The following TMEM163 variants were observed in gnomAD, a reference collection of about 807,000 sequenced individuals.
The protein encoded by TMEM163 is transmembrane protein 163.
Under a neutral mutation model 29.3 loss-of-function variants are expected in TMEM163, and 17 were observed. The ratio of observed to expected loss-of-function variants is 0.58; its 90% confidence interval spans 0.40 to 0.87. The LOEUF (loss-of-function observed/expected upper bound fraction) is 0.87. Among genes scored for constraint, TMEM163 ranks in the 40% least tolerant of loss-of-function variants. The pLI, the probability that TMEM163 is intolerant of heterozygous loss-of-function variation, is 0.00. For missense variants in TMEM163, 303 were observed against 381.5 expected (o/e 0.79, Z 1.71); for synonymous variants, 157 against 160.6 (o/e 0.98, Z 0.17).
At chr2:134,472,679 T>A (rs1040823919) in intron 5 of TMEM163, among the ~76,000 whole-genome samples, 2 of 152,238 alleles carry the variant, frequency 1.3e-5, no homozygotes, top group African/African-American at 2.4e-5. Context: ...CACTTTTACA[T>A]AACTGATAGA....
chr2:134,511,743 C>A (rs1679954888), intron 4 of TMEM163, among the ~76,000 whole-genome samples: 1 of 152,224 alleles, frequency 6.6e-6, no homozygotes, highest in Non-Finnish European at 1.5e-5. Context: ...AAACCTGCTT[C>A]TCAGGAGAAT....
At chr2:134,595,230 A>G (rs1276598386) in intron 2 of TMEM163, among the ~76,000 whole-genome samples, 1 of 152,000 alleles carries the variant, frequency 6.6e-6, no homozygotes, top group African/African-American at 2.4e-5. Context: ...CCTCATTTAC[A>G]TTAGGTATAT....
chr2:134,529,656 G>A (rs1423206140), intron 4 of TMEM163, among the ~76,000 whole-genome samples: 1 of 151,826 alleles, frequency 6.6e-6, no homozygotes, highest in Non-Finnish European at 1.5e-5. Context: ...GGGAGGCTGA[G>A]GCAAGAGAAT....
rs1374345435 is a variant in TMEM163, at chr2:134,657,458, T to C, written c.322+55742A>G. Among the ~76,000 whole-genome samples, 3 of 152,218 alleles carry C rather than the reference T, an allele frequency of 2.0e-5. No homozygotes were observed. In the East Asian group the frequency reaches 5.8e-4, roughly 29 times the overall value. On this transcript the variant is annotated intron_variant, in intron 2 of 7. Transcript: ENST00000281924. Reference sequence around the variant, plus strand: ...CAGGAACAGAAAACCAAACACCACATGTTCTCACTTATAAGTGGGAGCTAA... The same window carrying C: ...CAGGAACAGAAAACCAAACACCACACGTTCTCACTTATAAGTGGGAGCTAA...
intron 5 of TMEM163, among the ~76,000 whole-genome samples, chr2:134,486,045 T>C (rs960035183): frequency 1.3e-5 from 2 of 152,142 alleles, no homozygotes; most frequent in African/African-American, 4.8e-5. Flanking sequence ...CAGGGCTCCA[T>C]CAGAGGTACT....
intron 2 of TMEM163, among the ~76,000 whole-genome samples, chr2:134,674,261 C>A (rs1684056251): frequency 2.0e-5 from 3 of 152,122 alleles, no homozygotes; most frequent in African/African-American, 7.2e-5. Flanking sequence ...AGGTATCAGC[C>A]CAGCTTTATA....
intron 2 of TMEM163, among the ~76,000 whole-genome samples, chr2:134,632,909 ATTTTTTTTTT>A (rs57488299): frequency 8.4e-5 from 10 of 118,638 alleles, no homozygotes; most frequent in African/African-American, 3.3e-4. Flanking sequence ...CACCCAGCTA[ATTTTTTTTTT>A]TTTTTTTTTT....
rs1403592880 is a variant in TMEM163, at chr2:134,718,973, G to T, written c.-38C>A. On this transcript the variant is annotated 5_prime_UTR_variant, in exon 1 of 8. Transcript: ENST00000281924. ...CGGATCCCGGCGGCGGCGACGACAAGCGCGGCGGGGACTCGAGTCAGAAGT... is the reference window on the plus strand; with the variant it reads ...CGGATCCCGGCGGCGGCGACGACAATCGCGGCGGGGACTCGAGTCAGAAGT... The T allele has an allele frequency of 9.7e-7, 1 of 1,026,588 alleles. No individual in the cohort carries two copies. Among genetic ancestry groups the T allele is most frequent in the Non-Finnish European group, 1.2e-6 (1 of 857,898 alleles). 63.6% of individuals were successfully genotyped at this position (1,026,588 alleles called of 1,614,324 possible).
intron 2 of TMEM163, among the ~76,000 whole-genome samples, chr2:134,647,005 C>G (rs1016791007): frequency 6.6e-6 from 1 of 152,190 alleles, no homozygotes; most frequent in African/African-American, 2.4e-5. Context: ...TCAACACTGA[C>G]AAAGGGCACC....
intron 4 of TMEM163, among the ~76,000 whole-genome samples, chr2:134,527,373 T>A (rs1680318460): frequency 1.3e-5 from 2 of 151,936 alleles, no homozygotes; most frequent in African/African-American, 4.8e-5. Context: ...AGAAAGTATA[T>A]TATAAAGAAA....
chr2:134,567,802 G>A (rs1275995149), intron 2 of TMEM163, among the ~76,000 whole-genome samples: 1 of 152,208 alleles, frequency 6.6e-6, no homozygotes, highest in Non-Finnish European at 1.5e-5. Flanking sequence ...TGTGGATGAT[G>A]TTAATGGGGA....
intron 2 of TMEM163, among the ~76,000 whole-genome samples, chr2:134,575,865 G>A (rs760658754): frequency 6.6e-6 from 1 of 152,082 alleles, no homozygotes; most frequent in Non-Finnish European, 1.5e-5. Flanking sequence ...GGGGAGGCAG[G>A]TCTCCAAAAA....
chr2:134,677,077 C>T (rs1354593983), intron 2 of TMEM163, among the ~76,000 whole-genome samples: 1 of 152,164 alleles, frequency 6.6e-6, no homozygotes, highest in African/African-American at 2.4e-5. Context: ...AATGTCCACA[C>T]TCCCTGAGTG....
At chr2:134,616,449 A>G (rs1682610975) in intron 2 of TMEM163, among the ~76,000 whole-genome samples, 1 of 152,192 alleles carries the variant, frequency 6.6e-6, no homozygotes. Context: ...AAAAGTTTTT[A>G]AAGGGAACCC....
At position 134,718,616 on chromosome 2, in the gene TMEM163, C is replaced by T. The variant is rs1337051128; in HGVS notation, c.202+118G>A. 4 of 759,866 alleles carry T rather than the reference C, an allele frequency of 5.3e-6. No homozygotes were observed. The East Asian group carries it at 2.8e-4, about 53-fold the overall frequency. The allele number at this position is 759,866 out of a possible 1,614,324, so 47.1% of individuals were successfully genotyped here. On this transcript the variant is annotated intron_variant, in intron 1 of 7. Coordinates refer to ENST00000281924, the MANE Select transcript of TMEM163 (RefSeq NM_030923.5). ...CGGCGTTCTCGCCGGGAAGTCGGGG[C>T]TCCGCGCCCCCGCGCGCTCCGAGCC... is the stretch of plus-strand genomic sequence containing the variant.
intron 2 of TMEM163, among the ~76,000 whole-genome samples, chr2:134,595,823 T>C (rs1356765406): frequency 6.6e-6 from 1 of 152,248 alleles, no homozygotes; most frequent in Non-Finnish European, 1.5e-5. Context: ...TGGTGTGAGA[T>C]AGTAACTCAT....
At chr2:134,457,302 C>T (rs1426612525) in intron 7 of TMEM163, among the ~76,000 whole-genome samples, 1 of 152,178 alleles carries the variant, frequency 6.6e-6, no homozygotes, top group African/African-American at 2.4e-5. Flanking sequence ...GCAGTGTATA[C>T]CAAGGACTGG....
intron 2 of TMEM163, among the ~76,000 whole-genome samples, chr2:134,672,978 C>T (rs751862178): frequency 7.9e-5 from 12 of 152,122 alleles, no homozygotes; most frequent in Non-Finnish European, 1.5e-4. Context: ...CCACTCATGG[C>T]TAGTTTTCCA....
intron 4 of TMEM163, among the ~76,000 whole-genome samples, chr2:134,524,829 T>C (rs1680258821): frequency 6.6e-6 from 1 of 150,502 alleles, no homozygotes; most frequent in Non-Finnish European, 1.5e-5. Flanking sequence ...GCAATGAACA[T>C]ATACATGCAT....
Sources: allele counts gnomAD v4.1 joint callset (sites outside exome capture counted in the v4.1 genomes callset), GRCh38; gene constraint gnomAD v4.1.1; transcripts MANE v1.5; gene names NCBI Gene and HGNC (gene_info 2026-07-23, HGNC 2026-07-21).